Variants in MFSD11 observed in about 807,000 individuals in gnomAD.
MFSD11 encodes the protein major facilitator superfamily domain containing 11.
MFSD11 carries 36 observed loss-of-function variants against 53.5 expected under a neutral mutation model. The observed-to-expected ratio is 0.67, with a 90% CI of 0.52 to 0.89. MFSD11 has a LOEUF of 0.89. MFSD11 is among the 40% of genes least tolerant of loss of function. MFSD11 has a pLI of 0.00. For synonymous variants in MFSD11, 186 were observed against 184.9 expected (o/e 1.01, Z -0.05); for missense variants, 530 against 543.9 (o/e 0.97, Z 0.25).
chr17:76,753,579 G>A (rs1158833355), intron 7 of MFSD11, among the ~76,000 whole-genome samples: 1 of 151,838 alleles, frequency 6.6e-6, no homozygotes, highest in Non-Finnish European at 1.5e-5. Context: ...AGGCTGAGGT[G>A]GGAGGATGGC....
chr17:76,778,316 C>T lies in MFSD11; in HGVS notation c.1314C>T (p.Ala438=), dbSNP rs1430470001. 7 of 1,614,078 alleles carry T rather than the reference C, an allele frequency of 4.3e-6. No homozygotes were observed. Among genetic ancestry groups the T allele is most frequent in the African/African-American group, 1.3e-5 (1 of 74,916 alleles). ...TCACTGTGGAATGGGAAGCTGCCGC[C>T]TTTGTAGCCCGCGGCTCTGACTACC... The part of the protein sequence containing the change: ...SFFTVEWEAA[A]FVARGSDYRS... Residue 438 remains alanine (A), a synonymous_variant, in exon 13 of 13, where the codon GCC becomes GCT. Transcript: ENST00000685175.
At chr17:76,750,613 C>A (rs1281543557) in intron 7 of MFSD11, among the ~76,000 whole-genome samples, 4 of 152,028 alleles carry the variant, frequency 2.6e-5, no homozygotes, top group Admixed American at 2.6e-4. Context: ...ACCTCAGCCT[C>A]CCAAAGTGCT....
At chr17:76,795,319 CAAAAAAA>C in the MFSD11 span, among the ~76,000 whole-genome samples, 6 of 116,270 alleles carry the variant, frequency 5.2e-5, no homozygotes, top group Admixed American at 9.5e-5. Flanking sequence ...CTGTTTCTAC[CAAAAAAA>C]AAAAAAAAAA....
chr17:76,785,189 G>A (rs754808229), downstream of MFSD11, among the ~76,000 whole-genome samples: 4 of 152,174 alleles, frequency 2.6e-5, no homozygotes, highest in Admixed American at 6.5e-5. Context: ...GGACATTATC[G>A]TGCTGAGTGA....
chr17:76,746,208 T>C (rs1014606153), intron 7 of MFSD11, among the ~76,000 whole-genome samples: 1 of 152,346 alleles, frequency 6.6e-6, no homozygotes, highest in East Asian at 1.9e-4. Context: ...CACAACATTC[T>C]CTGAAGCCTA....
chr17:76,774,929 G>C, intron 10 of MFSD11, 68 bp from the exon 11 acceptor site: 1 of 1,495,380 alleles, frequency 6.7e-7, no homozygotes, highest in Non-Finnish European at 9.1e-7. Flanking sequence ...GCTCCTTGGT[G>C]GTAACTCAGG....
At chr17:76,798,593 C>G in the MFSD11 span, among the ~76,000 whole-genome samples, 3 of 152,106 alleles carry the variant, frequency 2.0e-5, no homozygotes, top group South Asian at 6.2e-4. Context: ...AATTCCAAGG[C>G]TTGTAGGAGT....
chr17:76,789,950 A>G, the MFSD11 span, among the ~76,000 whole-genome samples: 4 of 150,532 alleles, frequency 2.7e-5, no homozygotes, highest in South Asian at 8.7e-4. Context: ...ATTAACTTTG[A>G]AAAGTTAATG....
chr17:76,743,334 T>C, intron 5 of MFSD11, 64 bp from the exon 6 acceptor site: 2 of 1,096,784 alleles, frequency 1.8e-6, no homozygotes, highest in Non-Finnish European at 1.3e-6. Flanking sequence ...GAATAATTAT[T>C]TTTAAAAAAC....
intron 7 of MFSD11, 94 bp downstream of exon 7, chr17:76,744,560 C>A (rs2078384318): frequency 6.4e-6 from 7 of 1,086,682 alleles, no homozygotes; most frequent in Non-Finnish European, 7.7e-6. Context: ...AACTGATGTC[C>A]AGTACTCTCT....
intron 2 of MFSD11, among the ~76,000 whole-genome samples, chr17:76,740,181 A>G (rs2077927466): frequency 6.6e-6 from 1 of 151,872 alleles, no homozygotes; most frequent in South Asian, 2.1e-4. Context: ...CTCAAAAAAA[A>G]AAAAAAAAAA....
At chr17:76,753,012 T>C (rs1024556480) in intron 7 of MFSD11, 1 of 118,314 alleles carries the variant, frequency 8.5e-6, no homozygotes, top group Non-Finnish European at 1.7e-5. Flanking sequence ...TGTTCCATAT[T>C]TAAAAAAAAA....
intron 7 of MFSD11, 132 bp downstream of exon 7, chr17:76,744,598 G>A (rs2144195154): frequency 5.1e-6 from 4 of 777,502 alleles, no homozygotes; most frequent in Non-Finnish European, 3.8e-6. Context: ...AGAAAAGGAA[G>A]AAAATAAAGG....
intron 2 of MFSD11, among the ~76,000 whole-genome samples, chr17:76,739,263 A>T (rs1299042394): frequency 8.4e-6 from 1 of 118,586 alleles, no homozygotes; most frequent in South Asian, 3.5e-4. Context: ...TTCCTAGTTC[A>T]GACAATGCAT....
At chr17:76,755,989 A>G (rs1468684059) in intron 8 of MFSD11, among the ~76,000 whole-genome samples, 2 of 145,850 alleles carry the variant, frequency 1.4e-5, no homozygotes, top group South Asian at 2.2e-4. Flanking sequence ...ACACCTGGCT[A>G]ATTTTTGTAT....
At chr17:76,739,448 AT>A (rs1224527336) in intron 2 of MFSD11, among the ~76,000 whole-genome samples, 1 of 152,210 alleles carries the variant, frequency 6.6e-6, no homozygotes, top group Non-Finnish European at 1.5e-5. Context: ...TGTTAAGGTG[AT>A]TAGTCCCAAT....
upstream of MFSD11, chr17:76,737,913 T>G: frequency 5.4e-6 from 1 of 184,734 alleles, no homozygotes; most frequent in Non-Finnish European, 1.1e-5. Flanking sequence ...CGCTTGCGCG[T>G]GCCAGGCCAC....
At position 76,776,594 on chromosome 17, in the gene MFSD11, A is replaced by G; in HGVS notation, c.1185+53A>G. ...TGACATAGGGCTCTTCCCTTTGTGT[A>G]TTGCCTTGTTTTCCTTGGTTACTTG... On this transcript the variant is annotated intron_variant, in intron 12 of 12. Coordinates refer to ENST00000685175, the MANE Select transcript of MFSD11 (RefSeq NM_001242532.5). This position sits in a 1 kb window ranked among gnomAD's most constrained non-coding sequence, Gnocchi z 4.2. 2 of 1,534,432 alleles carry G rather than the reference A, an allele frequency of 1.3e-6. No homozygotes were observed. Among genetic ancestry groups the G allele is most frequent in the Non-Finnish European group, 1.8e-6 (2 of 1,139,742 alleles).
chr17:76,769,712 A>G (rs756899917), intron 9 of MFSD11, 34 bp from the exon 10 acceptor site: 1 of 1,539,800 alleles, frequency 6.5e-7, no homozygotes, highest in South Asian at 1.2e-5. Context: ...ATGTGAATAT[A>G]TAAATGACAT....
Sources: gnomAD v4.1 joint callset for allele counts (sites outside exome capture counted in the v4.1 genomes callset) on GRCh38, gnomAD v4.1.1 for gene constraint, Gnocchi (gnomAD v3.1) non-coding constraint, MANE v1.5 for transcripts, NCBI Gene and HGNC (gene_info 2026-07-23, HGNC 2026-07-21) for gene names.